NUDCD3: variants seen among roughly 807,000 people sequenced by gnomAD.
The protein encoded by NUDCD3 is nudC domain-containing protein 3.
A neutral mutation model predicts 39.7 loss-of-function variants in NUDCD3; 13 were observed. The ratio of observed to expected loss-of-function variants is 0.33; its 90% CI spans 0.21 to 0.52. The LOEUF is 0.52. Ranked by LOEUF, NUDCD3 falls within the 20% of genes least tolerant of loss-of-function variation. The pLI, the probability that NUDCD3 is intolerant of heterozygous loss-of-function variation, is 0.96. For missense variants in NUDCD3, 453 were observed against 458.1 expected (o/e 0.99, Z 0.10); for synonymous variants, 175 against 172.4 (o/e 1.02, Z -0.12).
chr7:44,425,832 C>T (rs1799223198), intron 3 of NUDCD3: 2 of 152,154 alleles, frequency 1.3e-5, no homozygotes, highest in South Asian at 4.2e-4. Flanking sequence ...TGCCATTGCA[C>T]TCCAGCCTGA....
In NUDCD3 at chr7:44,384,223, C is replaced by T. The variant is rs934461688; in HGVS notation, c.*1788G>A. ...AACTATAGAGAAGAGAGGAGACACA[C>T]ACCACAAGACCTCCTTTCATTAGGC... is the stretch of plus-strand genomic sequence containing the variant. On this transcript the variant is annotated 3_prime_UTR_variant, in exon 6 of 6. Coordinates refer to ENST00000355451, the MANE Select transcript of NUDCD3 (RefSeq NM_015332.4). 2.0e-5 allele frequency: 3 copies of T among 152,210 alleles called. No individual in the cohort carries two copies. The highest frequency in any genetic ancestry group is 6.5e-5 in the Admixed American group (1 of 15,280). The allele number at this position is 152,210 out of a possible 1,614,324, so 9.4% of individuals were successfully genotyped here. A position where few individuals can be genotyped will look rare whatever the true frequency, so the allele number is the denominator to read the frequency against.
intron 2 of NUDCD3, among the ~76,000 whole-genome samples, chr7:44,471,088 TGAC>T (rs1585102065): frequency 1.3e-5 from 2 of 152,330 alleles, no homozygotes; most frequent in East Asian, 1.9e-4. Flanking sequence ...CCTTGCATGG[TGAC>T]GACAAATGGT....
chr7:44,428,251 C>G (rs1419643131), intron 2 of NUDCD3, among the ~76,000 whole-genome samples: 1 of 150,166 alleles, frequency 6.7e-6, no homozygotes, highest in Non-Finnish European at 1.5e-5. Flanking sequence ...ACCTGGCTAA[C>G]ATGGTGAAAC....
intron 2 of NUDCD3, among the ~76,000 whole-genome samples, chr7:44,478,499 G>A (rs1409284723): frequency 1.3e-5 from 2 of 152,324 alleles, no homozygotes; most frequent in East Asian, 3.9e-4. Flanking sequence ...GTTGCAGTAA[G>A]CCGAGATCAT....
At chr7:44,435,563 TG>T (rs1799449376) in intron 2 of NUDCD3, among the ~76,000 whole-genome samples, 1 of 152,234 alleles carries the variant, frequency 6.6e-6, no homozygotes, top group Non-Finnish European at 1.5e-5. Context: ...ATCAATAAAA[TG>T]GTTCCATAGG....
chr7:44,419,777 C>T (rs1360989380), intron 3 of NUDCD3, among the ~76,000 whole-genome samples: 1 of 152,000 alleles, frequency 6.6e-6, no homozygotes, highest in Non-Finnish European at 1.5e-5. Flanking sequence ...GAAAAACTAA[C>T]AAACAGAAAG....
In NUDCD3 at chr7:44,392,400, T is replaced by A; in HGVS notation, c.872A>T (p.Glu291Val). The change falls in exon 5 of 6, where the codon GAG becomes GTG. Residue 291 changes from glutamate to valine, a missense_variant. Transcript: ENST00000355451. ...CTCATCCACGGTGGCCATGGAGCGC[T>A]CCTTGTTGATCTTGTCAATGTCGAT... ...EPIDIDKINK[E>V]RSMATVDEEE... The A allele has an allele frequency of 1.2e-6, 2 of 1,614,128 alleles. No individual in the cohort carries two copies. The highest frequency in any genetic ancestry group is 1.7e-6 in the Non-Finnish European group (2 of 1,179,986).
At chr7:44,476,796 G>A (rs1046975014) in intron 2 of NUDCD3, among the ~76,000 whole-genome samples, 5 of 152,196 alleles carry the variant, frequency 3.3e-5, no homozygotes. Context: ...TGTGGGCACA[G>A]CCAGCCATAA....
intron 3 of NUDCD3, among the ~76,000 whole-genome samples, chr7:44,412,255 T>A (rs1380981449): frequency 1.3e-5 from 2 of 152,240 alleles, no homozygotes; most frequent in Admixed American, 6.5e-5. Context: ...ATTAAAGTTA[T>A]ATTCGATGCA....
intron 2 of NUDCD3, among the ~76,000 whole-genome samples, chr7:44,450,375 A>C (rs796974907): frequency 2.6e-5 from 4 of 152,078 alleles, no homozygotes; most frequent in African/African-American, 4.8e-5. Flanking sequence ...GTGGGGTTTC[A>C]CCATGTTGGC....
At chr7:44,464,863 T>C (rs978649676) in intron 2 of NUDCD3, among the ~76,000 whole-genome samples, 6 of 152,222 alleles carry the variant, frequency 3.9e-5, no homozygotes, top group Admixed American at 1.3e-4. Context: ...CCAACAATAC[T>C]GGCATTTAGT....
intron 2 of NUDCD3, among the ~76,000 whole-genome samples, chr7:44,457,820 C>A (rs1348894581): frequency 6.6e-6 from 1 of 152,032 alleles, no homozygotes; most frequent in Non-Finnish European, 1.5e-5. Context: ...AGAATAGCCA[C>A]AATCAAAAAA....
chr7:44,423,538 C>G, intron 3 of NUDCD3, among the ~76,000 whole-genome samples: 1 of 152,026 alleles, frequency 6.6e-6, no homozygotes, highest in East Asian at 1.9e-4. Flanking sequence ...AACTCCCATC[C>G]GCAATTGCTA....
chr7:44,404,417 T>C lies in NUDCD3; in HGVS notation c.786+23A>G, dbSNP rs754762608. 4 of 1,610,956 alleles carry C rather than the reference T, an allele frequency of 2.5e-6. No homozygotes were observed. The Admixed American group carries it at 6.7e-5, about 27-fold the overall frequency. On this transcript the variant is annotated intron_variant, in intron 4 of 5. Transcript: ENST00000355451. Reference sequence around the variant, plus strand: ...AGGTTTGAAGTCCACCTGGGAGCCCTACACACAGGTGCCCAAACTTACCAA... The same window carrying C: ...AGGTTTGAAGTCCACCTGGGAGCCCCACACACAGGTGCCCAAACTTACCAA...
intron 2 of NUDCD3, among the ~76,000 whole-genome samples, chr7:44,480,151 G>T (rs187352889): frequency 2.0e-5 from 3 of 152,182 alleles, no homozygotes; most frequent in Admixed American, 6.5e-5. Flanking sequence ...TTCTAACCCA[G>T]AACAAAATTC....
intron 2 of NUDCD3, chr7:44,467,792 T>C: frequency 1.3e-6 from 1 of 752,212 alleles, no homozygotes; most frequent in Non-Finnish European, 2.2e-6. Context: ...CCCTATTGTA[T>C]ATAAGAAAAA....
At chr7:44,477,822 CT>C (rs938640330) in intron 2 of NUDCD3, among the ~76,000 whole-genome samples, 10,925 of 94,180 alleles carry the variant, frequency 0.12, 391 homozygotes, top group Non-Finnish European at 0.16. Context: ...ATGAACAATT[CT>C]TTTTTTTTTT....
intron 2 of NUDCD3, among the ~76,000 whole-genome samples, chr7:44,462,553 T>A (rs1048541601): frequency 6.6e-6 from 1 of 152,208 alleles, no homozygotes; most frequent in African/African-American, 2.4e-5. Context: ...ACTTTTCAAA[T>A]ATGAATGAAA....
chr7:44,424,768 C>G (rs996629359), intron 3 of NUDCD3, among the ~76,000 whole-genome samples: 2 of 152,086 alleles, frequency 1.3e-5, no homozygotes, highest in Non-Finnish European at 2.9e-5. Flanking sequence ...TACCATTTGA[C>G]CCAACAATCC....
Sources: gnomAD v4.1 joint callset for allele counts (sites outside exome capture counted in the v4.1 genomes callset) on GRCh38, gnomAD v4.1.1 for gene constraint, MANE v1.5 for transcripts, NCBI Gene and HGNC (gene_info 2026-07-23, HGNC 2026-07-21) for gene names.